BNIP2: variants seen among roughly 807,000 people sequenced by gnomAD.
BNIP2 encodes the protein BCL2/adenovirus E1B 19 kDa protein-interacting protein 2.
In BNIP2, 36 loss-of-function variants were observed where a neutral mutation model predicts 43.4. The ratio of observed to expected loss-of-function variants is 0.83; its 90% confidence interval spans 0.64 to 1.10. BNIP2 has a LOEUF of 1.10. Ranked by LOEUF, BNIP2 falls within the 50% of genes least tolerant of loss-of-function variation. The probability of loss-of-function intolerance (pLI) is 0.00; values close to 1 mark genes in which losing one functional copy is unlikely to be tolerated. For synonymous variants in BNIP2, 146 were observed against 121.0 expected (o/e 1.21, Z -1.35); for missense variants, 417 against 374.1 (o/e 1.11, Z -0.95).
intron 5 of BNIP2, among the ~76,000 whole-genome samples, chr15:59,673,566 A>G (rs1893072568): frequency 6.6e-6 from 1 of 152,120 alleles, no homozygotes; most frequent in African/African-American, 2.4e-5. Context: ...AGCTGGGGAT[A>G]CAGCGCACAC....
At chr15:59,676,754 G>C in intron 5 of BNIP2, 1 of 1,435,562 alleles carries the variant, frequency 7.0e-7, no homozygotes, top group Non-Finnish European at 9.5e-7. Context: ...GAGTTGGGGT[G>C]TCATGGAGGA....
rs199776931 is a variant in BNIP2, at chr15:59,680,222, G to A, written c.118+19C>T. Reference sequence around the variant, plus strand: ...CACAAAGTCCATAATTTCAATGAAAGTAAGTGTCAAGCTCTTACCAGGCTG... The same window carrying A: ...CACAAAGTCCATAATTTCAATGAAAATAAGTGTCAAGCTCTTACCAGGCTG... On this transcript the variant is annotated intron_variant, in intron 3 of 9. Transcript: ENST00000607373. 2 of 1,502,488 alleles carry A rather than the reference G, an allele frequency of 1.3e-6. No homozygotes were observed. The highest frequency in any genetic ancestry group is 1.4e-5 in the African/African-American group (1 of 71,350). The allele number at this position is 1,502,488 out of a possible 1,614,324, so 93.1% of individuals were successfully genotyped here. A position where few individuals can be genotyped will look rare whatever the true frequency, so the allele number is the denominator to read the frequency against.
At chr15:59,684,079 T>C (rs1218945985) in intron 1 of BNIP2, among the ~76,000 whole-genome samples, 1 of 152,150 alleles carries the variant, frequency 6.6e-6, no homozygotes, top group African/African-American at 2.4e-5. Flanking sequence ...AATGACAAAA[T>C]TACAATGGAA....
Position 59,666,372 on chromosome 15 carries a change from A to G in BNIP2, c.894-2252T>C, listed in dbSNP as rs142017992. Among the ~76,000 whole-genome samples the G allele has an allele frequency of 7.5e-4, 114 of 152,288 alleles. 1 individual carries two copies. The highest frequency in any genetic ancestry group is 4.1e-4 in the Non-Finnish European group (28 of 68,022). On this transcript the variant is annotated intron_variant, in intron 9 of 9. Coordinates refer to ENST00000607373, the MANE Select transcript of BNIP2 (RefSeq NM_004330.4). ...AAGCTCCCTTGCACCTAGCTTCTGT[A>G]AAGTTTGGTTTAGGCTGGGCGTGGT...
At chr15:59,664,227 T>C (rs924848170) in intron 9 of BNIP2, 107 bp from the exon 10 acceptor site, 1 of 660,414 alleles carries the variant, frequency 1.5e-6, no homozygotes, top group South Asian at 3.3e-5. Context: ...AAGACAAAGC[T>C]TTGCAAAGAA....
rs1435842155 is a variant in BNIP2 at position 59,663,541 on chromosome 15, AT to A, written c.*527del. 2 of 152,686 alleles carry A rather than the reference AT, an allele frequency of 1.3e-5. No homozygotes were observed. The highest frequency in any genetic ancestry group is 2.9e-5 in the Non-Finnish European group (2 of 68,058). 9.5% of individuals were successfully genotyped at this position (152,686 alleles called of 1,614,324 possible). A position where few individuals can be genotyped will look rare whatever the true frequency, so the allele number is the denominator to read the frequency against. ...GGTATTCATGACAATCAGTTTAACC[AT>A]CTGTTGCCTTATGAAAAACTTAATT... On this transcript the variant is annotated 3_prime_UTR_variant, in exon 10 of 10. Coordinates refer to ENST00000607373, the MANE Select transcript of BNIP2 (RefSeq NM_004330.4).
chr15:59,688,853 G>A (rs777779013), intron 1 of BNIP2: 218 of 1,515,114 alleles, frequency 1.4e-4, no homozygotes, highest in Non-Finnish European at 1.7e-4. Context: ...GGAGGGGCAA[G>A]GTTCCATCCC....
At chr15:59,679,291 GT>G (rs1278228036) in intron 4 of BNIP2, 1 of 223,980 alleles carries the variant, frequency 4.5e-6, no homozygotes, top group African/African-American at 2.3e-5. Flanking sequence ...CCCACAAACT[GT>G]TAACTATATG....
chr15:59,678,056 T>G lies in BNIP2; in HGVS notation c.327A>C (p.Val109=), dbSNP rs529312588. Residue 109 remains valine (V), a synonymous_variant, in exon 5 of 10, where the codon GTA becomes GTC. Coordinates refer to ENST00000607373, the MANE Select transcript of BNIP2 (RefSeq NM_004330.4). ...ATTCAGTAATTGAGCCTTTCCTAAT[T>G]ACTTCAGTAGTCTTGGGTTTTGGAA... is the stretch of plus-strand genomic sequence containing the variant. ...DDLPKPKTTE[V]IRKGSITEYT... The G allele has an allele frequency of 1.2e-6, 2 of 1,613,130 alleles. No individual in the cohort carries two copies. The highest frequency in any genetic ancestry group is 1.1e-5 in the South Asian group (1 of 90,780).
In BNIP2 at chr15:59,679,869, A is replaced by G. The variant is rs1441692549; in HGVS notation, c.119-101T>C. On this transcript the variant is annotated intron_variant, in intron 3 of 9. Transcript: ENST00000607373. ...ACTACCCCATTCTTGGGAAAAAATA[A>G]TATTAATTGAACATAATTTCAAAGC... 9 of 1,052,984 alleles carry G rather than the reference A, an allele frequency of 8.5e-6. No homozygotes were observed. The African/African-American group carries it at 1.0e-4, about 12-fold the overall frequency. The allele number at this position is 1,052,984 out of a possible 1,614,324, so 65.2% of individuals were successfully genotyped here.
chr15:59,688,984 G>A, intron 1 of BNIP2, 151 bp downstream of exon 1: 4 of 1,442,670 alleles, frequency 2.8e-6, no homozygotes, highest in Non-Finnish European at 2.7e-6. Flanking sequence ...CACCTCCCGA[G>A]CAGGTTCTAT....
Position 59,689,269 on chromosome 15 carries a change from C to T in BNIP2, c.-192G>A, listed in dbSNP as rs776205560. 12 of 1,545,030 alleles carry T rather than the reference C, an allele frequency of 7.8e-6. No homozygotes were observed. The African/African-American group carries it at 8.2e-5, about 11-fold the overall frequency. Reference sequence around the variant, plus strand: ...TCGGCGGTGGAGACCCCGGCCCAATCCCCCGGCCGCAGCGGTACGGCGTCG... The same window carrying T: ...TCGGCGGTGGAGACCCCGGCCCAATTCCCCGGCCGCAGCGGTACGGCGTCG... On this transcript the variant is annotated 5_prime_UTR_variant, in exon 1 of 10. Transcript: ENST00000607373.
intron 1 of BNIP2, among the ~76,000 whole-genome samples, chr15:59,683,580 G>A (rs190313749): frequency 6.6e-6 from 1 of 152,328 alleles, no homozygotes; most frequent in Non-Finnish European, 1.5e-5. Flanking sequence ...ACTTTGGGAG[G>A]CCGAGGTGGG....
chr15:59,676,539 A>C (rs925654308), intron 5 of BNIP2, among the ~76,000 whole-genome samples: 1 of 152,172 alleles, frequency 6.6e-6, no homozygotes, highest in Non-Finnish European at 1.5e-5. Flanking sequence ...TACTGTATGC[A>C]TATAATCATT....
Position 59,659,936 on chromosome 15 carries a change from T to G in BNIP2, c.*4133A>C, listed in dbSNP as rs891724291. 6.6e-6 allele frequency: 1 copy of G among 152,224 alleles called. No individual in the cohort carries two copies. The highest frequency in any genetic ancestry group is 1.5e-5 in the Non-Finnish European group (1 of 68,038). 9.4% of individuals were successfully genotyped at this position (152,224 alleles called of 1,614,324 possible). A position where few individuals can be genotyped will look rare whatever the true frequency, so the allele number is the denominator to read the frequency against. The stretch of plus-strand genomic sequence containing the variant: ...TGTTAAACATGCCAGACTACTTTAT[T>G]TTCAATTATCCTTTAGAACTTCAAA... On this transcript the variant is annotated 3_prime_UTR_variant, in exon 10 of 10. Coordinates refer to ENST00000607373, the MANE Select transcript of BNIP2 (RefSeq NM_004330.4).
chr15:59,689,021 T>G (rs2142029214), intron 1 of BNIP2, 114 bp downstream of exon 1: 1 of 1,449,060 alleles, frequency 6.9e-7, no homozygotes, highest in Non-Finnish European at 9.0e-7. Flanking sequence ...GGTAACTCTC[T>G]GGGTTTCCTC....
At position 59,663,766 on chromosome 15, in the gene BNIP2, A is replaced by T. The variant is rs1566949876; in HGVS notation, c.*303T>A. The T allele has an allele frequency of 4.5e-6, 1 of 222,464 alleles. No homozygotes were observed. The highest frequency in any genetic ancestry group is 8.7e-6 in the Non-Finnish European group (1 of 115,042). The allele number at this position is 222,464 out of a possible 1,614,324, so 13.8% of individuals were successfully genotyped here. The stretch of plus-strand genomic sequence containing the variant: ...ATGCATATAAATATTTCACCGAAGA[A>T]GATGCATCATTCAATAAACAAATGC... On this transcript the variant is annotated 3_prime_UTR_variant, in exon 10 of 10. Transcript: ENST00000607373.
At chr15:59,678,852 A>G (rs1161696991) in intron 4 of BNIP2, 1 of 1,302,956 alleles carries the variant, frequency 7.7e-7, no homozygotes, top group East Asian at 5.5e-5. Context: ...AGCATTAAAG[A>G]AAGAAGAGAC....
intron 1 of BNIP2, chr15:59,688,788 A>C (rs1225443885): frequency 6.5e-7 from 1 of 1,535,082 alleles, no homozygotes; most frequent in South Asian, 1.2e-5. Flanking sequence ...TAAATACTGA[A>C]CCATCGTAGC....
Sources: gnomAD v4.1 joint callset for allele counts (sites outside exome capture counted in the v4.1 genomes callset) on GRCh38, gnomAD v4.1.1 for gene constraint, MANE v1.5 for transcripts, NCBI Gene and HGNC (gene_info 2026-07-23, HGNC 2026-07-21) for gene names.